EYS: variants seen among roughly 807,000 people sequenced by gnomAD.
EYS encodes the protein EGF-like photoreceptor maintenance factor.
A neutral mutation model predicts 282.1 loss-of-function variants in EYS; 250 were observed. The observed-to-expected ratio is 0.89, with a 90% CI of 0.80 to 0.98. The LOEUF is 0.98. EYS is among the 50% of genes least tolerant of loss of function. EYS has a pLI of 0.00. For missense variants in EYS, 4,016 were observed against 3,709.0 expected (o/e 1.08, Z -2.15); for synonymous variants, 1,355 against 1,282.9 (o/e 1.06, Z -1.20).
At chr6:64,494,463 TCTCA>T (rs1776832439) in intron 26 of EYS, among the ~76,000 whole-genome samples, 1 of 151,614 alleles carries the variant, frequency 6.6e-6, no homozygotes, top group African/African-American at 2.4e-5. Flanking sequence ...TGTTTGTTTC[TCTCA>T]CTATTCTTTA....
chr6:64,037,841 T>C (rs1438030347), intron 33 of EYS, among the ~76,000 whole-genome samples: 3 of 152,226 alleles, frequency 2.0e-5, no homozygotes, highest in Non-Finnish European at 2.9e-5. Flanking sequence ...AAGGGTTTAA[T>C]TTATTGAATG....
At chr6:65,140,092 T>C (rs1053208046) in intron 12 of EYS, among the ~76,000 whole-genome samples, 1 of 152,046 alleles carries the variant, frequency 6.6e-6, no homozygotes, top group Non-Finnish European at 1.5e-5. Context: ...CTGAAAAGAA[T>C]TTTCAAGCTG....
intron 31 of EYS, among the ~76,000 whole-genome samples, chr6:64,092,528 C>A (rs1027568384): frequency 6.6e-5 from 10 of 151,910 alleles, no homozygotes; most frequent in Non-Finnish European, 1.5e-4. Context: ...TTTCATGTGT[C>A]TTTTGGCTGC....
chr6:64,856,740 C>T (rs944175183), intron 19 of EYS, among the ~76,000 whole-genome samples: 3 of 152,142 alleles, frequency 2.0e-5, no homozygotes, highest in African/African-American at 7.2e-5. Flanking sequence ...TTCACAATCT[C>T]AAACAACAGA....
chr6:63,966,603 C>A (rs1296498305), intron 35 of EYS, among the ~76,000 whole-genome samples: 2 of 152,186 alleles, frequency 1.3e-5, no homozygotes, highest in African/African-American at 4.8e-5. Flanking sequence ...TGAAAGTATA[C>A]AGCAGAGGCT....
chr6:65,468,869 C>T lies in EYS; in HGVS notation c.862+21725G>A, dbSNP rs577384201. ...TTCTGTGAAGGATATCTTTAATGTCCTTCACAGATGTTAAAACTTTAAGAT... is the reference window on the plus strand; with the variant it reads ...TTCTGTGAAGGATATCTTTAATGTCTTTCACAGATGTTAAAACTTTAAGAT... On this transcript the variant is annotated intron_variant, in intron 5 of 42. Coordinates refer to ENST00000503581, the MANE Select transcript of EYS (RefSeq NM_001142800.2). 3.3e-5 allele frequency among the ~76,000 whole-genome samples: 5 copies of T among 152,024 alleles called. No individual in the cohort carries two copies. The South Asian group carries it at 1.0e-3, about 32-fold the overall frequency.
At chr6:65,276,626 A>G (rs541092253) in intron 12 of EYS, among the ~76,000 whole-genome samples, 3 of 152,106 alleles carry the variant, frequency 2.0e-5, no homozygotes, top group African/African-American at 4.8e-5. Flanking sequence ...TGGTATTACA[A>G]TGCTCTTTGA....
chr6:64,120,120 G>C, intron 31 of EYS, among the ~76,000 whole-genome samples: 1 of 151,538 alleles, frequency 6.6e-6, no homozygotes, highest in East Asian at 1.9e-4. Flanking sequence ...GGCCAAGGTG[G>C]GCAGATCACG....
chr6:64,259,865 T>C (rs6930458), intron 30 of EYS, among the ~76,000 whole-genome samples: 104,170 of 151,576 alleles, frequency 0.69, 35,807 homozygotes, highest in South Asian at 0.71. Context: ...CAAAACTTAT[T>C]TGCCTTATGT....
chr6:63,809,520 G>T (rs1196614382), intron 36 of EYS, among the ~76,000 whole-genome samples: 2 of 151,976 alleles, frequency 1.3e-5, no homozygotes, highest in Non-Finnish European at 2.9e-5. Context: ...GCATTTTTTT[G>T]TCAGTTCTTC....
intron 22 of EYS, among the ~76,000 whole-genome samples, chr6:64,792,213 A>G (rs1019634740): frequency 1.3e-5 from 2 of 151,900 alleles, no homozygotes; most frequent in Non-Finnish European, 2.9e-5. Flanking sequence ...ACCTTGCCCA[A>G]ATTATTTCCT....
chr6:64,222,103 C>G (rs1335252583), intron 31 of EYS, among the ~76,000 whole-genome samples: 2 of 152,028 alleles, frequency 1.3e-5, no homozygotes, highest in Non-Finnish European at 2.9e-5. Context: ...AGGTCCATAT[C>G]TATGATCCTA....
At chr6:63,873,142 T>G (rs1298776896) in intron 35 of EYS, among the ~76,000 whole-genome samples, 1 of 130,024 alleles carries the variant, frequency 7.7e-6, no homozygotes, top group Non-Finnish European at 1.6e-5. Flanking sequence ...CCTAATGCTA[T>G]CCCTCCCCCC....
At chr6:64,228,362 C>A (rs1290101706) in intron 31 of EYS, among the ~76,000 whole-genome samples, 2 of 152,008 alleles carry the variant, frequency 1.3e-5, no homozygotes, top group Non-Finnish European at 2.9e-5. Context: ...CCAAAAGAGG[C>A]AACAACAAAA....
chr6:64,465,494 A>G (rs67742898), intron 26 of EYS, among the ~76,000 whole-genome samples: 39,198 of 152,066 alleles, frequency 0.26, 5,551 homozygotes, highest in East Asian at 0.35. Context: ...CAAAGATGTC[A>G]AGGAAAGAAT....
intron 2 of EYS, among the ~76,000 whole-genome samples, chr6:65,514,320 T>C: frequency 1.3e-5 from 2 of 152,128 alleles, no homozygotes; most frequent in Non-Finnish European, 2.9e-5. Context: ...ACATTCCATG[T>C]TTATGGGTAG....
At chr6:65,142,177 G>A (rs1035789510) in intron 12 of EYS, among the ~76,000 whole-genome samples, 4 of 151,846 alleles carry the variant, frequency 2.6e-5, no homozygotes, top group Non-Finnish European at 4.4e-5. Flanking sequence ...ATTTTATAAT[G>A]TATCGTACCC....
At chr6:64,700,058 G>A (rs913641319) in intron 22 of EYS, among the ~76,000 whole-genome samples, 1 of 151,936 alleles carries the variant, frequency 6.6e-6, no homozygotes, top group Non-Finnish European at 1.5e-5. Flanking sequence ...TTTTATTCCA[G>A]GGAACCAAGG....
intron 29 of EYS, among the ~76,000 whole-genome samples, chr6:64,338,399 A>G (rs1232346947): frequency 6.6e-6 from 1 of 151,960 alleles, no homozygotes; most frequent in Non-Finnish European, 1.5e-5. Flanking sequence ...AAAGAAAAAA[A>G]AAACTTAGGA....
Sources: gnomAD v4.1 joint callset for allele counts (sites outside exome capture counted in the v4.1 genomes callset) on GRCh38, gnomAD v4.1.1 for gene constraint, MANE v1.5 for transcripts, NCBI Gene and HGNC (gene_info 2026-07-23, HGNC 2026-07-21) for gene names.